The following PTPN12 variants were observed in gnomAD, a reference collection of about 807,000 sequenced individuals.
The protein encoded by PTPN12 is tyrosine-protein phosphatase non-receptor type 12.
Under a neutral mutation model 97.6 loss-of-function variants are expected in PTPN12, and 29 were observed. The ratio of observed to expected loss-of-function variants is 0.30; its 90% confidence interval spans 0.22 to 0.41. PTPN12 has a LOEUF of 0.41. PTPN12 is among the 10% of genes least tolerant of loss of function. PTPN12 has a pLI of 1.00. For synonymous variants in PTPN12, 327 were observed against 300.4 expected, an observed-to-expected ratio of 1.09 and a Z score of -0.91; for missense variants, 819 against 926.0, an observed-to-expected ratio of 0.88 and a Z score of 1.50.
Position 77,625,023 on chromosome 7 carries a change from T to A in PTPN12, c.1026-1682T>A, listed in dbSNP as rs529401737. Reference sequence around the variant, plus strand: ...GGTGGCATGTGCCTGTAGTCCCAGCTACTCAGGAGGTTGAAGCACAAGAAT... The same window carrying A: ...GGTGGCATGTGCCTGTAGTCCCAGCAACTCAGGAGGTTGAAGCACAAGAAT... On this transcript the variant is annotated intron_variant, in intron 12 of 17. Coordinates refer to ENST00000248594, the MANE Select transcript of PTPN12 (RefSeq NM_002835.4). Among the ~76,000 whole-genome samples, 12 of 152,094 alleles carry A rather than the reference T, an allele frequency of 7.9e-5. No individual in the cohort carries two copies. In the East Asian group the frequency reaches 1.8e-3, roughly 22 times the overall value.
intron 1 of PTPN12, among the ~76,000 whole-genome samples, chr7:77,544,221 ATCT>A (rs1807118743): frequency 6.6e-6 from 1 of 152,186 alleles, no homozygotes; most frequent in Admixed American, 6.5e-5. Context: ...GTGAAGTGGT[ATCT>A]TCTTGTGGTT....
At chr7:77,609,908 A>C (rs575940604) in intron 9 of PTPN12, among the ~76,000 whole-genome samples, 76 of 146,070 alleles carry the variant, frequency 5.2e-4, no homozygotes, top group Non-Finnish European at 7.7e-4. Flanking sequence ...AAAAAAACCC[A>C]AAAATCTTAT....
rs139956126 is a variant in PTPN12, at chr7:77,597,722, C to T, written c.493-120C>T. Reference sequence around the variant, plus strand: ...AGAATTTTTTTATAATTATCAGGTACATCTGGAATTTTAAAGATTAATTTT... The same window carrying T: ...AGAATTTTTTTATAATTATCAGGTATATCTGGAATTTTAAAGATTAATTTT... On this transcript the variant is annotated intron_variant, in intron 6 of 17. Coordinates refer to ENST00000248594, the MANE Select transcript of PTPN12 (RefSeq NM_002835.4). 8.1e-5 allele frequency: 99 copies of T among 1,228,396 alleles called. 1 individual carries two copies. The East Asian group carries it at 2.0e-3, about 25-fold the overall frequency. 76.1% of individuals were successfully genotyped at this position (1,228,396 alleles called of 1,614,324 possible).
In PTPN12 at chr7:77,537,644, T is replaced by C. The variant is rs1191054074; in HGVS notation, c.98T>C (p.Met33Thr). 3 of 1,593,580 alleles carry C rather than the reference T, an allele frequency of 1.9e-6. No individual in the cohort carries two copies. Among genetic ancestry groups the C allele is most frequent in the African/African-American group, 1.4e-5 (1 of 72,934 alleles). The change falls in exon 1 of 18, where the codon ATG (methionine) becomes ACG (threonine). Residue 33 changes from methionine (M) to threonine (T), a missense_variant and splice_region_variant. By Grantham distance (81) the Met-to-Thr change is moderately conservative (BLOSUM62 -1). Coordinates refer to ENST00000248594, the MANE Select transcript of PTPN12 (RefSeq NM_002835.4). Reference sequence around the variant, plus strand: ...GAGGACAACTTCGCCCGGGACTTCATGGTGAGTCTCTCCCCTCGCTGTCGC... The same window carrying C: ...GAGGACAACTTCGCCCGGGACTTCACGGTGAGTCTCTCCCCTCGCTGTCGC... ...NGEDNFARDF[M>T]RLRRLSTKYR...
intron 2 of PTPN12, among the ~76,000 whole-genome samples, chr7:77,572,215 C>T (rs1023466073): frequency 6.6e-6 from 1 of 152,008 alleles, no homozygotes; most frequent in African/African-American, 2.4e-5. Flanking sequence ...GTACCTTAGC[C>T]TCCTGAGAGC....
At chr7:77,601,585 C>G (rs893222321) in intron 8 of PTPN12, among the ~76,000 whole-genome samples, 6 of 151,778 alleles carry the variant, frequency 4.0e-5, no homozygotes, top group Admixed American at 3.9e-4. Flanking sequence ...CTAAGACACA[C>G]CATTATTATA....
intron 1 of PTPN12, among the ~76,000 whole-genome samples, chr7:77,555,433 C>A (rs969377348): frequency 4.6e-5 from 7 of 152,000 alleles, no homozygotes; most frequent in Non-Finnish European, 1.0e-4. Flanking sequence ...GTAGTTGTCC[C>A]CACAGTTTTT....
chr7:77,600,474 C>A (rs1487305224), intron 7 of PTPN12, among the ~76,000 whole-genome samples, 190 bp from the exon 8 acceptor site: 1 of 152,086 alleles, frequency 6.6e-6, no homozygotes, highest in Non-Finnish European at 1.5e-5. Context: ...TAAATTGTTA[C>A]ATGTGAAGCC....
At position 77,639,828 on chromosome 7, in the gene PTPN12, A is replaced by T. The variant is rs1218151951; in HGVS notation, c.*548A>T. The T allele has an allele frequency of 6.6e-6, 1 of 152,670 alleles. No individual in the cohort carries two copies. The highest frequency in any genetic ancestry group is 1.9e-4 in the East Asian group (1 of 5,200). The allele number at this position is 152,670 out of a possible 1,614,324, so 9.5% of individuals were successfully genotyped here. ...TCAGAGATCAAAGATTGTAATAATA[A>T]TTTTGTAAATTGTAAGCAAAAAGTT... On this transcript the variant is annotated 3_prime_UTR_variant, in exon 18 of 18. Transcript: ENST00000248594.
At chr7:77,545,682 T>G (rs1807182844) in intron 1 of PTPN12, 1 of 151,932 alleles carries the variant, frequency 6.6e-6, no homozygotes, top group Non-Finnish European at 1.5e-5. Context: ...GTAACTTTGG[T>G]CCTAGTTGAG....
intron 6 of PTPN12, among the ~76,000 whole-genome samples, chr7:77,594,121 A>G (rs1787949331): frequency 6.6e-6 from 1 of 152,192 alleles, no homozygotes; most frequent in Non-Finnish European, 1.5e-5. Context: ...GTATTTAGTC[A>G]ATATTCTTAA....
At chr7:77,599,755 A>G (rs1238178568) in intron 7 of PTPN12, among the ~76,000 whole-genome samples, 1 of 152,204 alleles carries the variant, frequency 6.6e-6, no homozygotes, top group Non-Finnish European at 1.5e-5. Flanking sequence ...TAAATAGCTT[A>G]CCTGAAGTTA....
chr7:77,592,316 A>G, intron 6 of PTPN12, 60 bp downstream of exon 6: 1 of 1,322,332 alleles, frequency 7.6e-7, no homozygotes, highest in Non-Finnish European at 1.1e-6. Context: ...ACTGATGAAT[A>G]ATTAAATTAT....
intron 16 of PTPN12, among the ~76,000 whole-genome samples, chr7:77,637,406 T>C (rs1789632287): frequency 6.6e-6 from 1 of 152,220 alleles, no homozygotes; most frequent in Non-Finnish European, 1.5e-5. Context: ...CCTATTGTTT[T>C]AGAAATCTTC....
chr7:77,622,540 C>T (rs1415336920), intron 12 of PTPN12, among the ~76,000 whole-genome samples: 9 of 151,954 alleles, frequency 5.9e-5, no homozygotes, highest in Non-Finnish European at 1.2e-4. Flanking sequence ...GAGGCTGAGG[C>T]GGGCAGATCA....
intron 2 of PTPN12, among the ~76,000 whole-genome samples, chr7:77,576,097 G>T (rs778355332): frequency 1.2e-4 from 19 of 152,076 alleles, no homozygotes; most frequent in Non-Finnish European, 2.5e-4. Flanking sequence ...CTCGTGATCC[G>T]CCTGCCTCGG....
intron 16 of PTPN12, 53 bp downstream of exon 16, chr7:77,637,101 T>A: frequency 7.3e-7 from 1 of 1,371,908 alleles, no homozygotes; most frequent in Non-Finnish European, 1.0e-6. Context: ...ATTGATTAAT[T>A]TCTACAAAAT....
chr7:77,633,247 G>T (rs754948115), intron 14 of PTPN12, among the ~76,000 whole-genome samples: 2 of 149,592 alleles, frequency 1.3e-5, no homozygotes, highest in African/African-American at 2.5e-5. Flanking sequence ...TCCAACCTGG[G>T]CAACAAGAGC....
At chr7:77,569,887 C>T (rs1377280290) in intron 1 of PTPN12, among the ~76,000 whole-genome samples, 1 of 152,128 alleles carries the variant, frequency 6.6e-6, no homozygotes, top group African/African-American at 2.4e-5. Flanking sequence ...CAGGGTCTTG[C>T]ATTGTTAAGC....
Sources: allele counts gnomAD v4.1 joint callset (sites outside exome capture counted in the v4.1 genomes callset), GRCh38; gene constraint gnomAD v4.1.1; transcripts MANE v1.5; gene names NCBI Gene and HGNC (gene_info 2026-07-23, HGNC 2026-07-21).